The following MTMR7 variants were observed in gnomAD, a reference collection of about 807,000 sequenced individuals.
MTMR7 encodes phosphatidylinositol-3-phosphate phosphatase MTMR7.
In MTMR7, 76 loss-of-function variants were observed where a neutral mutation model predicts 81.2. The observed-to-expected ratio is 0.94, with a 90% confidence interval of 0.78 to 1.13. The LOEUF (loss-of-function observed/expected upper bound fraction) is 1.13, where lower values mean the gene tolerates loss of function less well. Ranked by LOEUF, MTMR7 falls within the 50% of genes most tolerant of loss-of-function variation. MTMR7 has a pLI of 0.00. For missense variants in MTMR7, 1,044 were observed against 820.0 expected, an observed-to-expected ratio of 1.27 and a Z score of -3.34; for synonymous variants, 372 against 289.8, an observed-to-expected ratio of 1.28 and a Z score of -2.88.
chr8:17,373,280 A>C, intron 1 of MTMR7, 40 bp from the exon 2 acceptor site: 1 of 1,577,112 alleles, frequency 6.3e-7, no homozygotes, highest in South Asian at 1.2e-5. Flanking sequence ...ACCGTAAAGC[A>C]GAAGAGCAAT....
chr8:17,355,282 A>G (rs964354545), intron 4 of MTMR7, among the ~76,000 whole-genome samples: 1 of 152,214 alleles, frequency 6.6e-6, no homozygotes, highest in African/African-American at 2.4e-5. Context: ...AGTTAGCTTT[A>G]GTATGAGAAC....
At chr8:17,352,326 A>G (rs184361024) in intron 4 of MTMR7, among the ~76,000 whole-genome samples, 2 of 152,348 alleles carry the variant, frequency 1.3e-5, no homozygotes, top group Admixed American at 6.5e-5. Flanking sequence ...ATGGGTGCCA[A>G]GACTACTCAA....
intron 1 of MTMR7, among the ~76,000 whole-genome samples, chr8:17,391,683 A>T (rs910919350): frequency 1.3e-5 from 2 of 152,218 alleles, no homozygotes; most frequent in Non-Finnish European, 2.9e-5. Context: ...TGTTCTAAGT[A>T]ATGTGTGCTT....
intron 1 of MTMR7, among the ~76,000 whole-genome samples, chr8:17,410,196 A>G (rs372468577): frequency 6.6e-6 from 1 of 152,234 alleles, no homozygotes. Flanking sequence ...TAGGTGTACC[A>G]AGGAAGAGAA....
In MTMR7 at chr8:17,296,959, T is replaced by C. The variant is rs1232761035; in HGVS notation, c.*2903A>G. On this transcript the variant is annotated 3_prime_UTR_variant, in exon 14 of 14. Transcript: ENST00000180173. ...TCAGTTTACATAAAGGTTATGTATG[T>C]CACCCACGATGAAAAGAATCTGCAT... is the stretch of plus-strand genomic sequence containing the variant. 18 of 152,212 alleles carry C rather than the reference T, an allele frequency of 1.2e-4. No homozygotes were observed. The highest frequency in any genetic ancestry group is 1.2e-3 in the Admixed American group (18 of 15,280). The allele number at this position is 152,212 out of a possible 1,614,324, so 9.4% of individuals were successfully genotyped here. A position where few individuals can be genotyped will look rare whatever the true frequency, so the allele number is the denominator to read the frequency against.
chr8:17,410,639 T>C (rs145310905), intron 1 of MTMR7, among the ~76,000 whole-genome samples: 1 of 152,312 alleles, frequency 6.6e-6, no homozygotes, highest in Non-Finnish European at 1.5e-5. Flanking sequence ...CTGCTTAGCA[T>C]ATGCTCTGTT....
intron 1 of MTMR7, among the ~76,000 whole-genome samples, chr8:17,378,345 G>GGTGGTTATGTTATGAAGT (rs1226340736): frequency 6.6e-6 from 1 of 152,178 alleles, no homozygotes; most frequent in Non-Finnish European, 1.5e-5. Context: ...AAGTCAGAAA[G>GGTGGTTATGTTATGAAGT]CACTGTTCAG....
intron 4 of MTMR7, among the ~76,000 whole-genome samples, chr8:17,351,835 A>C (rs1819738416): frequency 6.6e-6 from 1 of 152,224 alleles, no homozygotes; most frequent in Non-Finnish European, 1.5e-5. Context: ...ACAACCTCTT[A>C]CCAAGCTAGA....
intron 9 of MTMR7, among the ~76,000 whole-genome samples, chr8:17,310,157 C>A (rs1442002667): frequency 1.3e-5 from 2 of 151,984 alleles, no homozygotes; most frequent in African/African-American, 4.8e-5. Context: ...TCCACCACAC[C>A]TGGCTAATTT....
At chr8:17,402,567 C>G (rs903746812) in intron 1 of MTMR7, among the ~76,000 whole-genome samples, 1 of 152,210 alleles carries the variant, frequency 6.6e-6, no homozygotes, top group Non-Finnish European at 1.5e-5. Context: ...TCAGTCCCAT[C>G]CATGTTGCTG....
At chr8:17,350,672 T>C (rs1410309978) in intron 4 of MTMR7, among the ~76,000 whole-genome samples, 5 of 152,286 alleles carry the variant, frequency 3.3e-5, no homozygotes, top group Non-Finnish European at 7.3e-5. Flanking sequence ...CTCTGGAAGA[T>C]GGGTTTGTAG....
At chr8:17,341,919 C>CT (rs535163171) in intron 5 of MTMR7, among the ~76,000 whole-genome samples, 38,091 of 147,248 alleles carry the variant, frequency 0.26, 5,346 homozygotes, top group African/African-American at 0.36. Context: ...GCTTTCCAAC[C>CT]TTTTTTTTTT....
intron 7 of MTMR7, among the ~76,000 whole-genome samples, chr8:17,328,854 C>T (rs1818836301): frequency 6.6e-6 from 1 of 152,190 alleles, no homozygotes; most frequent in Non-Finnish European, 1.5e-5. Flanking sequence ...TGAAAGGCAT[C>T]ATTTTCTCTC....
At chr8:17,400,006 G>T (rs1821377430) in intron 1 of MTMR7, among the ~76,000 whole-genome samples, 1 of 151,950 alleles carries the variant, frequency 6.6e-6, no homozygotes, top group South Asian at 2.1e-4. Context: ...GATTTTTGAT[G>T]CTGTTTGTAT....
intron 11 of MTMR7, 23 bp from the exon 12 acceptor site, chr8:17,304,542 A>G (rs1480618968): frequency 2.5e-6 from 4 of 1,605,184 alleles, no homozygotes; most frequent in Non-Finnish European, 2.6e-6. Context: ...AAATAAGTCT[A>G]TAAATGACCT....
chr8:17,316,926 T>C (rs1360517384), intron 7 of MTMR7, among the ~76,000 whole-genome samples: 1 of 152,170 alleles, frequency 6.6e-6, no homozygotes, highest in African/African-American at 2.4e-5. Context: ...ACTGCCAAAT[T>C]GCTCTTGAAA....
At chr8:17,355,225 C>G (rs1475649378) in intron 4 of MTMR7, among the ~76,000 whole-genome samples, 1 of 152,122 alleles carries the variant, frequency 6.6e-6, no homozygotes, top group East Asian at 1.9e-4. Context: ...ATTTTCTTTA[C>G]TAAACTTGGA....
chr8:17,343,453 G>A (rs1164836710), intron 5 of MTMR7, among the ~76,000 whole-genome samples: 1 of 151,950 alleles, frequency 6.6e-6, no homozygotes, highest in African/African-American at 2.4e-5. Flanking sequence ...TATTAGTTAA[G>A]GACAGCTGCC....
At chr8:17,310,320 A>G (rs577942536) in intron 9 of MTMR7, among the ~76,000 whole-genome samples, 3 of 152,282 alleles carry the variant, frequency 2.0e-5, no homozygotes, top group Non-Finnish European at 4.4e-5. Context: ...AAAAGTGTTC[A>G]GTCAAGTAAT....
Sources: allele counts gnomAD v4.1 joint callset (sites outside exome capture counted in the v4.1 genomes callset), GRCh38; gene constraint gnomAD v4.1.1; transcripts MANE v1.5; gene names NCBI Gene and HGNC (gene_info 2026-07-23, HGNC 2026-07-21).